The following ZMYM1 variants were observed in gnomAD, a reference collection of about 807,000 sequenced individuals.
ZMYM1 encodes zinc finger MYM-type containing 1.
ZMYM1 carries 39 observed loss-of-function variants against 60.0 expected under a neutral mutation model. The ratio of observed to expected loss-of-function variants is 0.65; its 90% CI spans 0.50 to 0.85. ZMYM1 has a LOEUF of 0.85. Ranked by LOEUF, ZMYM1 falls within the 40% of genes least tolerant of loss-of-function variation. The pLI, the probability that ZMYM1 is intolerant of heterozygous loss-of-function variation, is 0.00. For missense variants in ZMYM1, 1,171 were observed against 1,309.5 expected (o/e 0.89, Z 1.63); for synonymous variants, 413 against 454.0 (o/e 0.91, Z 1.15).
chr1:35,114,468 C>A lies in ZMYM1; in HGVS notation c.2638C>A (p.Gln880Lys), dbSNP rs1314362599. ...TACAGGAATTCTTTCCAAAGAGCTT[C>A]AAAATAAAACCATAGACATTTTTTC... The part of the protein sequence containing the change: ...SVTGILSKEL[Q>K]NKTIDIFSLS... Residue 880 changes from glutamine (Q) to lysine (K), a missense_variant, in exon 10 of 10, where the codon CAA becomes AAA. Transcript: ENST00000359858. 1 of 1,612,808 alleles carries A rather than the reference C, an allele frequency of 6.2e-7. No homozygotes were observed. Among genetic ancestry groups the A allele is most frequent in the Non-Finnish European group, 8.5e-7 (1 of 1,179,414 alleles).
At chr1:35,083,701 G>A (rs1033225616) in intron 1 of ZMYM1, among the ~76,000 whole-genome samples, 1 of 151,934 alleles carries the variant, frequency 6.6e-6, no homozygotes, top group Non-Finnish European at 1.5e-5. Context: ...CTGTAACCTG[G>A]AACTCTTTCC....
intron 3 of ZMYM1, 84 bp downstream of exon 3, chr1:35,095,975 C>A: frequency 2.8e-6 from 3 of 1,070,794 alleles, no homozygotes; most frequent in Non-Finnish European, 2.8e-6. Flanking sequence ...TTGAATATTG[C>A]TTTGTTTGTG....
At chr1:35,080,640 C>T (rs1642338145) in intron 1 of ZMYM1, among the ~76,000 whole-genome samples, 2 of 151,734 alleles carry the variant, frequency 1.3e-5, no homozygotes, top group Admixed American at 1.3e-4. Context: ...TACATGCTGT[C>T]TCTATACCAG....
rs374124633 is a variant in ZMYM1 at position 35,113,469 on chromosome 1, A to G, written c.1639A>G (p.Ile547Val). Residue 547 changes from isoleucine to valine, a missense_variant, in exon 10 of 10, where the codon ATT (isoleucine) becomes GTT (valine). Ile to Val is a conservative substitution (Grantham distance 29). Coordinates refer to ENST00000359858, the MANE Select transcript of ZMYM1 (RefSeq NM_024772.5). ...CGATTTATCTATTCATTCGAAACAG[A>G]TTGAGGGAAATAAAAAGTACCTAAA... ...SDDLSIHSKQ[I>V]EGNKKYLKLI... The G allele has an allele frequency of 1.9e-6, 3 of 1,612,242 alleles. No individual in the cohort carries two copies. The African/African-American group carries it at 4.0e-5, about 22-fold the overall frequency.
rs1420051473 is a variant in ZMYM1 at position 35,097,530 on chromosome 1, C to G, written c.383C>G (p.Pro128Arg). Reference sequence around the variant, plus strand: ...GAATACATTTCATCTGCCAGTTCACCAGTTCCTTCTAAGAGAACTTGTTCA... The same window carrying G: ...GAATACATTTCATCTGCCAGTTCACGAGTTCCTTCTAAGAGAACTTGTTCA... ...ITEYISSASS[P>R]VPSKRTCSNC... is the part of the protein sequence containing the mutation. Residue 128 changes from proline to arginine, a missense_variant, in exon 4 of 10, where the codon CCA (proline) becomes CGA (arginine). Transcript: ENST00000359858. 6.2e-7 allele frequency: 1 copy of G among 1,614,234 alleles called. No individual in the cohort carries two copies. Among genetic ancestry groups the G allele is most frequent in the Non-Finnish European group, 8.5e-7 (1 of 1,180,020 alleles).
chr1:35,087,557 A>G (rs1018046479), intron 1 of ZMYM1, among the ~76,000 whole-genome samples: 6 of 151,162 alleles, frequency 4.0e-5, no homozygotes, highest in Non-Finnish European at 3.0e-5. Context: ...CTCCCAAATA[A>G]CTGGGATTAC....
At chr1:35,062,277 C>T (rs1320252825) in intron 1 of ZMYM1, among the ~76,000 whole-genome samples, 5 of 152,222 alleles carry the variant, frequency 3.3e-5, no homozygotes, top group Admixed American at 2.6e-4. Flanking sequence ...AGTCCAGCCT[C>T]TTCCTCTTTT....
intron 1 of ZMYM1, among the ~76,000 whole-genome samples, chr1:35,060,176 A>ATTATTATTT (rs199526405): frequency 0.014 from 2,088 of 148,766 alleles, 53 homozygotes; most frequent in African/African-American, 0.048. Flanking sequence ...TATTATTATT[A>ATTATTATTT]TTATTATTTT....
chr1:35,116,446 A>T (rs932537056), downstream of ZMYM1, among the ~76,000 whole-genome samples: 8 of 152,202 alleles, frequency 5.3e-5, no homozygotes, highest in Non-Finnish European at 1.2e-4. Context: ...CTATTTCTTT[A>T]TACTTCAAAA....
At position 35,114,723 on chromosome 1, in the gene ZMYM1, A is replaced by G; in HGVS notation, c.2893A>G (p.Ile965Val). The part of the protein sequence containing the change: ...FPTSTEEQYK[I>V]NIYYQGLDTI... ...TACTTCAACAGAAGAACAATATAAA[A>G]TTAATATCTATTACCAAGGATTAGA... The change falls in exon 10 of 10, where the codon ATT (isoleucine) becomes GTT (valine). Residue 965 changes from isoleucine to valine, a missense_variant. Physicochemically the swap from Ile to Val is conservative, Grantham distance 29. Coordinates refer to ENST00000359858, the MANE Select transcript of ZMYM1 (RefSeq NM_024772.5). 6.4e-7 allele frequency: 1 copy of G among 1,571,362 alleles called. No homozygotes were observed. Among genetic ancestry groups the G allele is most frequent in the Non-Finnish European group, 8.6e-7 (1 of 1,159,466 alleles).
chr1:35,062,147 T>A (rs943075949), intron 1 of ZMYM1, among the ~76,000 whole-genome samples: 7 of 152,120 alleles, frequency 4.6e-5, no homozygotes, highest in East Asian at 1.9e-4. Flanking sequence ...CCATTTTTTT[T>A]ATGTAAAGCG....
chr1:35,077,666 G>A (rs768515379), upstream of ZMYM1, among the ~76,000 whole-genome samples: 5 of 151,994 alleles, frequency 3.3e-5, no homozygotes, highest in African/African-American at 4.8e-5. Flanking sequence ...CTAACTCAGC[G>A]CATGAGGACA....
At position 35,100,677 on chromosome 1, in the gene ZMYM1, C is replaced by T. The variant is rs537635580; in HGVS notation, c.419+3111C>T. ...TGGGAACTTTGTATTTAAGAAGTGT[C>T]ATTTCTTCACTTTAGTATCTCAGTT... is the stretch of plus-strand genomic sequence containing the variant. On this transcript the variant is annotated intron_variant, in intron 4 of 9. Transcript: ENST00000359858. Among the ~76,000 whole-genome samples the T allele has an allele frequency of 2.1e-4, 32 of 152,004 alleles. No homozygotes were observed. In the South Asian group the frequency reaches 5.4e-3, roughly 26 times the overall value.
intron 1 of ZMYM1, among the ~76,000 whole-genome samples, chr1:35,092,383 C>T (rs1016502911): frequency 2.8e-5 from 4 of 141,158 alleles, no homozygotes; most frequent in African/African-American, 1.1e-4. Flanking sequence ...CAGGCACACA[C>T]CACCACACTC....
intron 1 of ZMYM1, among the ~76,000 whole-genome samples, chr1:35,088,273 C>T (rs543032851): frequency 1.3e-4 from 19 of 151,638 alleles, no homozygotes; most frequent in Admixed American, 5.9e-4. Flanking sequence ...CAAAAATTAG[C>T]TGAGCTTGGT....
At chr1:35,086,378 C>T (rs1642655111) in intron 1 of ZMYM1, among the ~76,000 whole-genome samples, 1 of 152,042 alleles carries the variant, frequency 6.6e-6, no homozygotes, top group Admixed American at 6.6e-5. Flanking sequence ...AATCATATCT[C>T]ACTGCAACCT....
At chr1:35,065,025 A>T (rs1386481594) in intron 1 of ZMYM1, among the ~76,000 whole-genome samples, 1 of 152,220 alleles carries the variant, frequency 6.6e-6, no homozygotes, top group Non-Finnish European at 1.5e-5. Flanking sequence ...GGATTAAAGA[A>T]GACTCAAATA....
intron 1 of ZMYM1, among the ~76,000 whole-genome samples, chr1:35,083,659 A>G (rs1642505534): frequency 6.6e-6 from 1 of 151,992 alleles, no homozygotes; most frequent in Admixed American, 6.6e-5. Context: ...TCTGTCACCT[A>G]GGTTGGTGTG....
intron 1 of ZMYM1, among the ~76,000 whole-genome samples, chr1:35,083,420 C>T (rs77438111): frequency 0.053 from 8,023 of 152,032 alleles, 290 homozygotes; most frequent in Non-Finnish European, 0.083. Flanking sequence ...CCGACATGTT[C>T]AAATTGCAAG....
Sources: allele counts gnomAD v4.1 joint callset (sites outside exome capture counted in the v4.1 genomes callset), GRCh38; gene constraint gnomAD v4.1.1; transcripts MANE v1.5; gene names NCBI Gene and HGNC (gene_info 2026-07-23, HGNC 2026-07-21).